Variants in DMXL1 observed in about 807,000 individuals in gnomAD.
The protein encoded by DMXL1 is dmX-like protein 1.
In DMXL1, 99 loss-of-function variants were observed where a neutral mutation model predicts 319.2. That is an observed-to-expected ratio of 0.31 (90% CI 0.26 to 0.37). DMXL1 has a LOEUF of 0.37. Ranked by LOEUF, DMXL1 falls within the 10% of genes least tolerant of loss-of-function variation. The pLI, the probability that DMXL1 is intolerant of heterozygous loss-of-function variation, is 1.00. For missense variants in DMXL1, 3,745 were observed against 3,595.6 expected (o/e 1.04, Z -1.06); for synonymous variants, 1,385 against 1,235.2 (o/e 1.12, Z -2.54).
chr5:119,184,182 A>G (rs971738927), intron 28 of DMXL1, among the ~76,000 whole-genome samples: 1 of 152,070 alleles, frequency 6.6e-6, no homozygotes, highest in African/African-American at 2.4e-5. Context: ...CAGTGCCCCA[A>G]GTAGCTGGGA....
intron 9 of DMXL1, among the ~76,000 whole-genome samples, chr5:119,124,681 T>C (rs1303165306): frequency 6.6e-6 from 1 of 150,536 alleles, no homozygotes; most frequent in South Asian, 2.1e-4. Context: ...TTCTTCTGCC[T>C]CAGCCTCCTG....
Position 119,146,966 on chromosome 5 carries a change from T to G in DMXL1, c.2689+10T>G, listed in dbSNP as rs771153894. On this transcript the variant is annotated intron_variant, in intron 16 of 43. Coordinates refer to ENST00000539542, the MANE Select transcript of DMXL1 (RefSeq NM_001290321.3). ...ATTCCTGTCTCATTAGGTGAGTCTT[T>G]TGTGTGTGTGTTTGTGCAACTTTAA... The G allele has an allele frequency of 8.7e-6, 14 of 1,610,742 alleles. No homozygotes were observed. Among genetic ancestry groups the G allele is most frequent in the Admixed American group, 3.4e-5 (2 of 59,208 alleles).
chr5:119,170,679 C>G lies in DMXL1; in HGVS notation c.5888C>G (p.Ser1963Cys). 6.2e-7 allele frequency: 1 copy of G among 1,613,460 alleles called. No homozygotes were observed. Among genetic ancestry groups the G allele is most frequent in the Non-Finnish European group, 8.5e-7 (1 of 1,179,874 alleles). ...SQPSVVFQDD[S>C]LELKWDSDND... ...CCAAGTGTTGTGTTTCAGGATGACT[C>G]TTTAGAGTTAAAATGGGACAGTGAT... The change falls in exon 24 of 44, where the codon TCT becomes TGT. Residue 1963 changes from serine to cysteine, a missense_variant. Ser to Cys is a moderately radical substitution (Grantham distance 112). Transcript: ENST00000539542.
rs150342013 is a variant in DMXL1, at chr5:119,171,262, T to G, written c.6471T>G (p.Leu2157=). 1.2e-3 allele frequency: 1,972 copies of G among 1,596,766 alleles called. 21 individuals carry two copies. In the African/African-American group the frequency reaches 0.024, roughly 19 times the overall value. ...LASVRMELIL[L]LQESQQETSE... ...CTGTAAGAATGGAATTGATTTTGCT[T>G]TTGCAAGAATCTCAGCAGGTATGTA... Residue 2157 remains leucine (L), a synonymous_variant, in exon 24 of 44, where the codon CTT becomes CTG. Transcript: ENST00000539542.
intron 28 of DMXL1, among the ~76,000 whole-genome samples, chr5:119,184,697 G>T (rs778230953): frequency 2.1e-4 from 32 of 152,062 alleles, no homozygotes; most frequent in Non-Finnish European, 3.4e-4. Context: ...CCAGGGATTT[G>T]ATTACTTTAT....
rs771056976 is a variant in DMXL1, at chr5:119,173,672, A to ATGTGTGTGTG, written c.6682-1571_6682-1562dup. Among the ~76,000 whole-genome samples the ATGTGTGTGTG allele has an allele frequency of 9.2e-3, 1,019 of 110,194 alleles. 10 individuals are homozygous for ATGTGTGTGTG. Among genetic ancestry groups the ATGTGTGTGTG allele is most frequent in the East Asian group, 0.065 (63 of 964 alleles). The allele number at this position is 110,194 out of a possible 152,430, so 72.3% of individuals were successfully genotyped here. A position where few individuals can be genotyped will look rare whatever the true frequency, so the allele number is the denominator to read the frequency against. ...CAAAGAAACAGAATCAGTAGGATGT[A>ATGTGTGTGTG]TGTGTGTGTGTGTGTGTGTGTGTGT... On this transcript the variant is annotated intron_variant, in intron 25 of 43. Transcript: ENST00000539542.
Position 119,240,399 on chromosome 5 carries a change from A to AT in DMXL1, c.8652-19dup. 1.3e-6 allele frequency: 2 copies of AT among 1,507,284 alleles called. No individual in the cohort carries two copies. Among genetic ancestry groups the AT allele is most frequent in the Non-Finnish European group, 9.1e-7 (1 of 1,093,670 alleles). The allele number at this position is 1,507,284 out of a possible 1,614,324, so 93.4% of individuals were successfully genotyped here. A position where few individuals can be genotyped will look rare whatever the true frequency, so the allele number is the denominator to read the frequency against. On this transcript the variant is annotated intron_variant, in intron 41 of 43. Transcript: ENST00000539542. ...TTAGCTTTTGTGTCACTCAGAAGTAATCTTTTTTTTTTTTTCCAGAAACGT... is the reference window on the plus strand; with the variant it reads ...TTAGCTTTTGTGTCACTCAGAAGTAATTCTTTTTTTTTTTTTCCAGAAACGT...
chr5:119,124,056 C>G (rs372859366), intron 9 of DMXL1, among the ~76,000 whole-genome samples: 10 of 151,692 alleles, frequency 6.6e-5, no homozygotes, highest in East Asian at 5.9e-4. Context: ...TACCTGTAAT[C>G]CCAACACTTT....
intron 28 of DMXL1, 141 bp downstream of exon 28, chr5:119,178,385 G>C (rs905939727): frequency 1.3e-5 from 13 of 996,014 alleles, no homozygotes; most frequent in African/African-American, 4.9e-5. Context: ...TAGTCATACA[G>C]TGAAAATGCA....
chr5:119,196,797 A>G (rs1241194071), intron 31 of DMXL1, among the ~76,000 whole-genome samples: 2 of 152,202 alleles, frequency 1.3e-5, no homozygotes, highest in East Asian at 1.9e-4. Context: ...AAAGGAGGAA[A>G]AGATTGTACA....
Position 119,245,943 on chromosome 5 carries a change from A to G in DMXL1, c.8923-1052A>G, listed in dbSNP as rs557423482. ...AATATACAATGTATTCAGAAGCCCT[A>G]ATTTAACAAATTCATATGCAGGGTA... On this transcript the variant is annotated intron_variant, in intron 43 of 43. Coordinates refer to ENST00000539542, the MANE Select transcript of DMXL1 (RefSeq NM_001290321.3). Among the ~76,000 whole-genome samples, 3 of 152,210 alleles carry G rather than the reference A, an allele frequency of 2.0e-5. No individual in the cohort carries two copies. The South Asian group carries it at 6.2e-4, about 32-fold the overall frequency.
chr5:119,122,119 G>C (rs537191668), intron 9 of DMXL1, among the ~76,000 whole-genome samples: 1 of 140,786 alleles, frequency 7.1e-6, no homozygotes, highest in African/African-American at 2.7e-5. Context: ...CGGACGGGGC[G>C]GCTGGCCGGG....
intron 33 of DMXL1, among the ~76,000 whole-genome samples, chr5:119,206,168 C>T (rs551671063): frequency 9.3e-4 from 141 of 152,042 alleles, no homozygotes; most frequent in Middle Eastern, 3.4e-3. Context: ...TAGATTAAGT[C>T]ATTCTTAATA....
intron 29 of DMXL1, among the ~76,000 whole-genome samples, chr5:119,191,329 C>T (rs1211853767): frequency 6.6e-6 from 1 of 152,190 alleles, no homozygotes; most frequent in Admixed American, 6.5e-5. Flanking sequence ...TGTAACTGTT[C>T]TCTGGTGACA....
intron 23 of DMXL1, 98 bp from the exon 24 acceptor site, chr5:119,170,092 C>G (rs145022102): frequency 7.6e-7 from 1 of 1,311,146 alleles, no homozygotes; most frequent in Non-Finnish European, 1.0e-6. Context: ...TCAAAAGACT[C>G]TTTAGATAAA....
chr5:119,232,760 G>C (rs1209683819), intron 38 of DMXL1, among the ~76,000 whole-genome samples: 1 of 151,390 alleles, frequency 6.6e-6, no homozygotes, highest in Non-Finnish European at 1.5e-5. Context: ...GATCACTTGA[G>C]GCCAAGAGTT....
intron 4 of DMXL1, among the ~76,000 whole-genome samples, chr5:119,107,545 T>G (rs1758627906): frequency 6.6e-6 from 1 of 152,200 alleles, no homozygotes; most frequent in South Asian, 2.1e-4. Flanking sequence ...ATCTGTAATT[T>G]AATATCTGTA....
In DMXL1 at chr5:119,148,733, T is replaced by C. The variant is rs1769133231; in HGVS notation, c.2912-6T>C. On this transcript the variant is annotated splice_region_variant and splice_polypyrimidine_tract_variant and intron_variant, in intron 17 of 43. Coordinates refer to ENST00000539542, the MANE Select transcript of DMXL1 (RefSeq NM_001290321.3). ...ACATTTTGTTAACGGATTATTTTTA[T>C]TTTAGGACATCTGAGTTCATCTTCT... 3 of 1,593,650 alleles carry C rather than the reference T, an allele frequency of 1.9e-6. No homozygotes were observed. The highest frequency in any genetic ancestry group is 2.6e-6 in the Non-Finnish European group (3 of 1,169,122).
intron 19 of DMXL1, among the ~76,000 whole-genome samples, chr5:119,153,102 G>A (rs1406557224): frequency 1.3e-5 from 2 of 151,544 alleles, no homozygotes; most frequent in East Asian, 1.9e-4. Flanking sequence ...TCAGCCTCTC[G>A]AATACCTGGG....
Sources: allele counts gnomAD v4.1 joint callset (sites outside exome capture counted in the v4.1 genomes callset), GRCh38; gene constraint gnomAD v4.1.1; transcripts MANE v1.5; gene names NCBI Gene and HGNC (gene_info 2026-07-23, HGNC 2026-07-21).